RSAD1: variants seen among roughly 807,000 people sequenced by gnomAD.
The protein encoded by RSAD1 is radical S-adenosyl methionine domain containing 1, also known as radical S-adenosyl methionine domain-containing protein 1, mitochondrial.
In RSAD1, 34 loss-of-function variants were observed where a neutral mutation model predicts 46.2. The observed-to-expected ratio is 0.74, with a 90% CI of 0.56 to 0.98. The LOEUF is 0.98. Ranked by LOEUF, RSAD1 falls within the 50% of genes least tolerant of loss-of-function variation. RSAD1 has a pLI of 0.00. For missense variants in RSAD1, 635 were observed against 592.3 expected (o/e 1.07, Z -0.75); for synonymous variants, 260 against 253.5 (o/e 1.03, Z -0.24).
intron 3 of RSAD1, chr17:50,480,321 C>T (rs2033367855): frequency 1.8e-5 from 10 of 550,304 alleles, no homozygotes; most frequent in South Asian, 1.0e-4. Flanking sequence ...TACCATAGTG[C>T]CTGGCACATA....
chr17:50,483,436 T>C lies in RSAD1; in HGVS notation c.1001T>C (p.Met334Thr). The change falls in exon 6 of 9, where the codon ATG becomes ACG. Residue 334 changes from methionine (M) to threonine (T), a missense_variant. Transcript: ENST00000258955. The part of the protein sequence containing the change: ...LEPDNWMKEV[M>T]LFGHGTRKRV... ...CCTGACAACTGGATGAAGGAGGTGATGCTGTTTGGCCATGGCACCCGGAAG... is the reference window on the plus strand; with the variant it reads ...CCTGACAACTGGATGAAGGAGGTGACGCTGTTTGGCCATGGCACCCGGAAG... The C allele has an allele frequency of 6.2e-7, 1 of 1,612,974 alleles. No homozygotes were observed. The highest frequency in any genetic ancestry group is 8.5e-7 in the Non-Finnish European group (1 of 1,179,518).
At position 50,483,405 on chromosome 17, in the gene RSAD1, CTG is replaced by C. The variant is rs778745439; in HGVS notation, c.971_972del (p.Leu324ArgfsTer3). 9 of 1,613,856 alleles carry C rather than the reference CTG, an allele frequency of 5.6e-6. No homozygotes were observed. In the Admixed American group the frequency reaches 1.3e-4, roughly 24 times the overall value. ...CACCCGGGAGGCTCGGATCCAGACA[CTG>C]GAGCCTGACAACTGGATGAAGGAGG... The part of the protein sequence containing the change: ...GHTREARIQT[L>X]EPDNWMKEVM... On this transcript the variant is annotated frameshift_variant, in exon 6 of 9. Transcript: ENST00000258955. LOFTEE classifies it high-confidence loss of function.
At chr17:50,479,097 G>A (rs1329056354) in intron 1 of RSAD1, 78 bp downstream of exon 1, 2 of 1,260,728 alleles carry the variant, frequency 1.6e-6, no homozygotes, top group Admixed American at 8.0e-5. Context: ...AAACCCAGGT[G>A]GCGGTTTGTC....
intron 1 of RSAD1, chr17:50,479,382 A>C: frequency 1.9e-6 from 1 of 531,780 alleles, no homozygotes; most frequent in Non-Finnish European, 3.3e-6. Flanking sequence ...CTTGGGTTGA[A>C]TTCCTTCCTG....
Position 50,479,026 on chromosome 17 carries a change from AG to A in RSAD1, c.135+11del. The stretch of plus-strand genomic sequence containing the variant: ...CGCGGCGCTTTACGTACACGTGAGT[AG>A]GGGCGGGGGCGGAGCCCACGGTGTG... On this transcript the variant is annotated splice_region_variant and intron_variant, in intron 1 of 8. Transcript: ENST00000258955. 2 of 1,341,864 alleles carry A rather than the reference AG, an allele frequency of 1.5e-6. No homozygotes were observed. Among genetic ancestry groups the A allele is most frequent in the East Asian group, 3.0e-5 (1 of 33,226 alleles). 83.1% of individuals were successfully genotyped at this position (1,341,864 alleles called of 1,614,324 possible).
intron 3 of RSAD1, among the ~76,000 whole-genome samples, 164 bp from the exon 4 acceptor site, chr17:50,481,927 C>G (rs1209577107): frequency 1.3e-5 from 2 of 152,220 alleles, no homozygotes; most frequent in Non-Finnish European, 1.5e-5. Flanking sequence ...CATAGCGACC[C>G]TTCTGTGAAT....
chr17:50,479,816 G>A, intron 2 of RSAD1, 54 bp downstream of exon 2: 1 of 1,589,352 alleles, frequency 6.3e-7, no homozygotes, highest in Non-Finnish European at 8.6e-7. Flanking sequence ...AGGAGTGGTG[G>A]GGGATAGGTG....
In RSAD1 at chr17:50,482,571, TG is replaced by T; in HGVS notation, c.841-68del. 4 of 1,612,996 alleles carry T rather than the reference TG, an allele frequency of 2.5e-6. No homozygotes were observed. The East Asian group carries it at 6.7e-5, about 27-fold the overall frequency. ...GCCGAGATGGTGGGACATTCTAACC[TG>T]GGGCCCCTTACCTGAGTCTAAAAAT... is the stretch of plus-strand genomic sequence containing the variant. On this transcript the variant is annotated intron_variant, in intron 4 of 8. Coordinates refer to ENST00000258955, the MANE Select transcript of RSAD1 (RefSeq NM_018346.3).
Position 50,483,502 on chromosome 17 carries a change from G to C in RSAD1, c.1052+15G>C. 6.2e-7 allele frequency: 1 copy of C among 1,611,322 alleles called. No individual in the cohort carries two copies. Among genetic ancestry groups the C allele is most frequent in the Non-Finnish European group, 8.5e-7 (1 of 1,178,764 alleles). ...AGGCTGGAGCTGTGAGCATCCAAGG[G>C]CACAGGGCTCTCCTCCAGGATCCCC... is the stretch of plus-strand genomic sequence containing the variant. On this transcript the variant is annotated intron_variant, in intron 6 of 8. Coordinates refer to ENST00000258955, the MANE Select transcript of RSAD1 (RefSeq NM_018346.3).
rs147386563 is a variant in RSAD1 at position 50,479,616 on chromosome 17, T to C, written c.136-13T>C. On this transcript the variant is annotated splice_polypyrimidine_tract_variant and intron_variant, in intron 1 of 8. Coordinates refer to ENST00000258955, the MANE Select transcript of RSAD1 (RefSeq NM_018346.3). Reference sequence around the variant, plus strand: ...GGCAGCTCTCACCGCGCACGTGCACTCACTGCCCCCAGTGGCCTTACTGCG... The same window carrying C: ...GGCAGCTCTCACCGCGCACGTGCACCCACTGCCCCCAGTGGCCTTACTGCG... 79 of 1,613,430 alleles carry C rather than the reference T, an allele frequency of 4.9e-5. No individual in the cohort carries two copies. The African/African-American group carries it at 1.0e-3, about 21-fold the overall frequency.
intron 1 of RSAD1, chr17:50,479,340 A>G (rs144103467): frequency 3.1e-4 from 154 of 491,734 alleles, no homozygotes; most frequent in African/African-American, 2.0e-3. Flanking sequence ...TCATAGGAAA[A>G]TTGTATGAAA....
intron 3 of RSAD1, among the ~76,000 whole-genome samples, chr17:50,481,200 C>T (rs760032696): frequency 2.6e-5 from 4 of 152,204 alleles, no homozygotes; most frequent in Non-Finnish European, 5.9e-5. Context: ...TGTGTGGCCC[C>T]TGACTGGGGA....
Position 50,481,948 on chromosome 17 carries a change from G to A in RSAD1, c.475-143G>A, listed in dbSNP as rs1195019702. The A allele has an allele frequency of 4.2e-6, 4 of 943,594 alleles. No individual in the cohort carries two copies. The East Asian group carries it at 1.1e-4, about 27-fold the overall frequency. The allele number at this position is 943,594 out of a possible 1,614,324, so 58.5% of individuals were successfully genotyped here. ...GACCCTTCTGTGAATGGCAGCTCTT[G>A]GTGCCAGCTTGACCTTCCCCCTCCT... On this transcript the variant is annotated intron_variant, in intron 3 of 8. Transcript: ENST00000258955.
intron 6 of RSAD1, 80 bp downstream of exon 6, chr17:50,483,567 C>T (rs2033412189): frequency 3.1e-6 from 5 of 1,587,478 alleles, no homozygotes; most frequent in South Asian, 1.1e-5. Context: ...CTTTTATTTC[C>T]TGTCTTGTCC....
rs772125555 is a variant in RSAD1, at chr17:50,482,108, G to C, written c.492G>C (p.Glu164Asp). 6.3e-6 allele frequency: 10 copies of C among 1,576,150 alleles called. No homozygotes were observed. The East Asian group carries it at 2.3e-4, about 36-fold the overall frequency. The change falls in exon 4 of 9, where the codon GAG becomes GAC. Residue 164 changes from glutamate (E) to aspartate (D), a missense_variant. Physicochemically the swap from Glu to Asp is conservative, Grantham distance 45. Coordinates refer to ENST00000258955, the MANE Select transcript of RSAD1 (RefSeq NM_018346.3). ...TTTCCCAGTCCCTAGATGACACTGA[G>C]CTCCGGCTGTTGGGACGGACGCACT... ...SIGLQSLDDT[E>D]LRLLGRTHSA...
In RSAD1 at chr17:50,482,097, G is replaced by A; in HGVS notation, c.481G>A (p.Asp161Asn). ...NRLSIGLQSLDDTELRLLGRT... is the reference protein window; with the variant it reads ...NRLSIGLQSLNDTELRLLGRT... ...ACCCACCCTCTTTTCCCAGTCCCTA[G>A]ATGACACTGAGCTCCGGCTGTTGGG... Residue 161 changes from aspartate (D) to asparagine (N), a missense_variant, in exon 4 of 9, where the codon GAT becomes AAT. Transcript: ENST00000258955. 6.4e-7 allele frequency: 1 copy of A among 1,562,088 alleles called. No individual in the cohort carries two copies. Among genetic ancestry groups the A allele is most frequent in the South Asian group, 1.2e-5 (1 of 84,382 alleles).
In RSAD1 at chr17:50,479,256, C is replaced by T. The variant is rs546174519; in HGVS notation, c.135+237C>T. 7 of 503,368 alleles carry T rather than the reference C, an allele frequency of 1.4e-5. No individual in the cohort carries two copies. In the South Asian group the frequency reaches 3.0e-4, roughly 22 times the overall value. 31.2% of individuals were successfully genotyped at this position (503,368 alleles called of 1,614,324 possible). On this transcript the variant is annotated intron_variant, in intron 1 of 8. Transcript: ENST00000258955. ...GACTCTGACCAAATGGTTCAAATTT[C>T]ATAACAATTTTCCTCTTAGCAAGAC...
At chr17:50,481,768 C>G (rs1216262861) in intron 3 of RSAD1, among the ~76,000 whole-genome samples, 1 of 152,150 alleles carries the variant, frequency 6.6e-6, no homozygotes, top group Non-Finnish European at 1.5e-5. Flanking sequence ...TGGAGTCAGA[C>G]AGTCCTAAAT....
rs1034901337 is a variant in RSAD1 at position 50,479,480 on chromosome 17, C to T, written c.136-149C>T. ...GTGGATGTAATAACCCCAGTGCGAC[C>T]TGCCTTGGGGAGTTGTGTGGCTTAG... On this transcript the variant is annotated intron_variant, in intron 1 of 8. Coordinates refer to ENST00000258955, the MANE Select transcript of RSAD1 (RefSeq NM_018346.3). 6.5e-6 allele frequency: 6 copies of T among 919,060 alleles called. No homozygotes were observed. The African/African-American group carries it at 8.5e-5, about 13-fold the overall frequency. 56.9% of individuals were successfully genotyped at this position (919,060 alleles called of 1,614,324 possible).
Sources: gnomAD v4.1 joint callset for allele counts (sites outside exome capture counted in the v4.1 genomes callset) on GRCh38, gnomAD v4.1.1 for gene constraint, MANE v1.5 for transcripts, NCBI Gene and HGNC (gene_info 2026-07-23, HGNC 2026-07-21) for gene names.